Variants in PLD5 observed in about 807,000 individuals in gnomAD.
The protein encoded by PLD5 is phospholipase D family member 5, also known as inactive phospholipase D5.
PLD5 carries 36 observed loss-of-function variants against 61.1 expected under a neutral mutation model. The observed-to-expected ratio is 0.59, with a 90% CI of 0.45 to 0.78. The LOEUF (loss-of-function observed/expected upper bound fraction) is 0.78. PLD5 is among the 30% of genes least tolerant of loss of function. The probability of loss-of-function intolerance (pLI) is 0.00; values close to 1 mark genes in which losing one functional copy is unlikely to be tolerated. For synonymous variants in PLD5, 243 were observed against 242.8 expected (o/e 1.00, Z -0.01); for missense variants, 515 against 644.4 (o/e 0.80, Z 2.17).
chr1:242,237,023 A>C (rs1310865286), intron 4 of PLD5, among the ~76,000 whole-genome samples: 1 of 152,234 alleles, frequency 6.6e-6, no homozygotes, highest in Non-Finnish European at 1.5e-5. Context: ...ACAGACAAGC[A>C]ATGTGTCAGT....
At chr1:242,197,309 G>C (rs74150838) in intron 5 of PLD5, among the ~76,000 whole-genome samples, 1,966 of 152,174 alleles carry the variant, frequency 0.013, 45 homozygotes, top group African/African-American at 0.045. Context: ...TCCATTTCCT[G>C]ACAGCTGTCT....
At chr1:242,178,801 C>A (rs1428598105) in intron 5 of PLD5, among the ~76,000 whole-genome samples, 1 of 152,180 alleles carries the variant, frequency 6.6e-6, no homozygotes, top group Non-Finnish European at 1.5e-5. Flanking sequence ...CTCCATATGT[C>A]TAGAAAGGAC....
upstream of PLD5, among the ~76,000 whole-genome samples, chr1:242,529,268 T>C (rs915709356): frequency 1.3e-5 from 2 of 152,202 alleles, no homozygotes; most frequent in African/African-American, 4.8e-5. Context: ...TTATTATTGA[T>C]TAGTTATAAA....
At chr1:242,131,469 C>A (rs1196160100) in intron 5 of PLD5, among the ~76,000 whole-genome samples, 1 of 152,154 alleles carries the variant, frequency 6.6e-6, no homozygotes, top group Non-Finnish European at 1.5e-5. Context: ...ACAAGAGAAG[C>A]AATGCTAATT....
At chr1:242,332,261 C>T (rs1280454157) in intron 2 of PLD5, among the ~76,000 whole-genome samples, 1 of 152,114 alleles carries the variant, frequency 6.6e-6, no homozygotes, top group Non-Finnish European at 1.5e-5. Flanking sequence ...GTATATGTGC[C>T]ACATTTTCTT....
chr1:242,096,752 T>C (rs1312796852), intron 9 of PLD5, among the ~76,000 whole-genome samples: 1 of 151,934 alleles, frequency 6.6e-6, no homozygotes, highest in South Asian at 2.1e-4. Context: ...TTTATTTTTA[T>C]TTTTATTATA....
At chr1:242,253,376 G>C (rs565886484) in intron 4 of PLD5, among the ~76,000 whole-genome samples, 1 of 142,018 alleles carries the variant, frequency 7.0e-6, no homozygotes, top group Non-Finnish European at 1.5e-5. Flanking sequence ...GCAGTGGCGC[G>C]ATCTTGGCTC....
chr1:242,351,979 A>C (rs545980271), intron 1 of PLD5, among the ~76,000 whole-genome samples: 3 of 152,228 alleles, frequency 2.0e-5, no homozygotes, highest in Non-Finnish European at 2.9e-5. Flanking sequence ...TTTATAAGGT[A>C]CAAAGTGATT....
At chr1:242,463,657 G>C (rs1427768423) in intron 1 of PLD5, among the ~76,000 whole-genome samples, 1 of 151,644 alleles carries the variant, frequency 6.6e-6, no homozygotes, top group Non-Finnish European at 1.5e-5. Context: ...TCCCATCTAT[G>C]ACCAAGAATG....
At chr1:242,182,433 C>T (rs1340111045) in intron 5 of PLD5, among the ~76,000 whole-genome samples, 2 of 152,186 alleles carry the variant, frequency 1.3e-5, no homozygotes, top group African/African-American at 4.8e-5. Flanking sequence ...CTATCTGTAT[C>T]ATGTCCAGGG....
intron 2 of PLD5, among the ~76,000 whole-genome samples, chr1:242,331,715 C>T (rs1039335577): frequency 2.6e-5 from 4 of 152,176 alleles, no homozygotes. Context: ...AAAATACCCC[C>T]CAATTCAACT....
At chr1:242,340,981 C>T (rs2149212644) in intron 2 of PLD5, among the ~76,000 whole-genome samples, 1 of 152,010 alleles carries the variant, frequency 6.6e-6, no homozygotes, top group East Asian at 1.9e-4. Context: ...TATAAGGACA[C>T]CCATAGAACT....
intron 1 of PLD5, among the ~76,000 whole-genome samples, chr1:242,440,099 C>T (rs1310846429): frequency 6.6e-6 from 1 of 152,118 alleles, no homozygotes; most frequent in African/African-American, 2.4e-5. Flanking sequence ...GAGCTCCTGT[C>T]CTAAGATATT....
intron 1 of PLD5, among the ~76,000 whole-genome samples, chr1:242,493,363 C>T (rs535940481): frequency 3.9e-5 from 6 of 152,292 alleles, no homozygotes; most frequent in African/African-American, 1.4e-4. Context: ...CTGAAGCCTT[C>T]ATGCTGAAGC....
At chr1:242,411,336 C>T (rs113233944) in intron 1 of PLD5, among the ~76,000 whole-genome samples, 5,029 of 152,198 alleles carry the variant, frequency 0.033, 296 homozygotes, top group African/African-American at 0.11. Context: ...CCCGGGTTCA[C>T]GCCATTCTCC....
chr1:242,427,072 C>T (rs1186443275), intron 1 of PLD5, among the ~76,000 whole-genome samples: 2 of 152,150 alleles, frequency 1.3e-5, no homozygotes, highest in African/African-American at 4.8e-5. Flanking sequence ...AGCCACTTTC[C>T]AATCAAGAAA....
At chr1:242,496,144 A>G (rs1239767765) in intron 1 of PLD5, among the ~76,000 whole-genome samples, 1 of 151,798 alleles carries the variant, frequency 6.6e-6, no homozygotes, top group African/African-American at 2.4e-5. Flanking sequence ...AGAACACTGG[A>G]TTACGTTCCA....
At chr1:242,104,314 T>G (rs1660891634) in intron 8 of PLD5, among the ~76,000 whole-genome samples, 1 of 141,420 alleles carries the variant, frequency 7.1e-6, no homozygotes, top group African/African-American at 2.6e-5. Flanking sequence ...TTTTTTTTTT[T>G]GTAGAAATAG....
At chr1:242,442,320 C>G (rs1364692335) in intron 1 of PLD5, among the ~76,000 whole-genome samples, 1 of 152,196 alleles carries the variant, frequency 6.6e-6, no homozygotes, top group Non-Finnish European at 1.5e-5. Context: ...AGTTCTAAAA[C>G]ATCTCTCAAA....
Sources: allele counts gnomAD v4.1 joint callset (sites outside exome capture counted in the v4.1 genomes callset), GRCh38; gene constraint gnomAD v4.1.1; transcripts MANE v1.5; gene names NCBI Gene and HGNC (gene_info 2026-07-23, HGNC 2026-07-21).